COL5A1: variants seen among roughly 807,000 people sequenced by gnomAD.
COL5A1 encodes collagen type V alpha 1 chain.
A neutral mutation model predicts 263.7 loss-of-function variants in COL5A1; 16 were observed. The ratio of observed to expected loss-of-function variants is 0.06; its 90% CI spans 0.04 to 0.09. COL5A1 has a LOEUF of 0.09. Ranked by LOEUF, COL5A1 falls within the 10% of genes least tolerant of loss-of-function variation. COL5A1 has a pLI of 1.00. For synonymous variants in COL5A1, 1,012 were observed against 1,004.5 expected (o/e 1.01, Z -0.14); for missense variants, 2,036 against 2,540.5 (o/e 0.80, Z 4.27).
chr9:134,712,324 TGTCCCCCTCCCTC>T, intron 4 of COL5A1, among the ~76,000 whole-genome samples: 1 of 45,280 alleles, frequency 2.2e-5, no homozygotes, highest in Non-Finnish European at 4.1e-5. Context: ...CCCTCCTTCC[TGTCCCCCTCCCTC>T]CTGCCCCTCT....
intron 49 of COL5A1, 127 bp from the exon 50 acceptor site, chr9:134,814,670 C>T: frequency 3.9e-6 from 3 of 766,254 alleles, no homozygotes; most frequent in Non-Finnish European, 6.8e-6. Context: ...CAGCCAGCCC[C>T]CTGCAGGGCT....
chr9:134,785,002 C>T lies in COL5A1; in HGVS notation c.2498C>T (p.Pro833Leu), dbSNP rs1240965668. Residue 833 changes from proline (P) to leucine (L), a missense_variant, in exon 30 of 66, where the codon CCA becomes CTA. Pro to Leu is a moderately conservative substitution (Grantham distance 98). Transcript: ENST00000371817. ...GIKGDRGEIG[P>L]PGPRGEDGPE... ...TCTGGCTTGCAGGGGGAGATCGGCC[C>T]ACCCGGTCCCAGGGGAGAAGATGGC... The T allele has an allele frequency of 3.1e-6, 5 of 1,613,282 alleles. No individual in the cohort carries two copies. Among genetic ancestry groups the T allele is most frequent in the East Asian group, 2.2e-5 (1 of 44,866 alleles).
intron 11 of COL5A1, among the ~76,000 whole-genome samples, chr9:134,745,590 C>T (rs1588496016): frequency 6.6e-6 from 1 of 152,242 alleles, no homozygotes; most frequent in East Asian, 1.9e-4. Flanking sequence ...TTGATAGGGC[C>T]CCGCTTCCAG....
At position 134,750,435 on chromosome 9, in the gene COL5A1, C is replaced by T. The variant is rs910942155; in HGVS notation, c.1495-107C>T. 4.1e-6 allele frequency: 4 copies of T among 964,372 alleles called. No individual in the cohort carries two copies. The African/African-American group carries it at 4.8e-5, about 12-fold the overall frequency. 59.7% of individuals were successfully genotyped at this position (964,372 alleles called of 1,614,324 possible). A position where few individuals can be genotyped will look rare whatever the true frequency, so the allele number is the denominator to read the frequency against. On this transcript the variant is annotated intron_variant, in intron 11 of 65. Coordinates refer to ENST00000371817, the MANE Select transcript of COL5A1 (RefSeq NM_000093.5). ...GGGTCTCACAGCTTCTGTGCGTGTCCAGTGCATTTCCCGGGTGGGCCGCTT... is the reference window on the plus strand; with the variant it reads ...GGGTCTCACAGCTTCTGTGCGTGTCTAGTGCATTTCCCGGGTGGGCCGCTT...
intron 4 of COL5A1, among the ~76,000 whole-genome samples, chr9:134,711,198 C>T (rs1032841459): frequency 2.6e-5 from 4 of 152,052 alleles, no homozygotes; most frequent in African/African-American, 7.3e-5. Context: ...AGAGTCAGCT[C>T]GGAGGCCAGG....
rs976564432 is a variant in COL5A1, at chr9:134,818,230, A to G, written c.4230+399A>G. 9.5e-4 allele frequency among the ~76,000 whole-genome samples: 145 copies of G among 152,262 alleles called. 1 individual carries two copies. The highest frequency in any genetic ancestry group is 3.4e-3 in the African/African-American group (140 of 41,554). On this transcript the variant is annotated intron_variant, in intron 54 of 65. Coordinates refer to ENST00000371817, the MANE Select transcript of COL5A1 (RefSeq NM_000093.5). This position sits in a 1 kb window ranked among gnomAD's most constrained non-coding sequence, Gnocchi z 6.0. ...GTCTGCTGCGGGGCCCGTGCAGAAG[A>G]TGGGACGCCGTCACCCATGCAGTTG... is the stretch of plus-strand genomic sequence containing the variant.
At chr9:134,729,329 G>A (rs960764413) in intron 6 of COL5A1, among the ~76,000 whole-genome samples, 6 of 152,154 alleles carry the variant, frequency 3.9e-5, no homozygotes, top group Admixed American at 6.5e-5. Flanking sequence ...AGCAGGGCCC[G>A]GGCCCCGTGC....
intron 63 of COL5A1, among the ~76,000 whole-genome samples, chr9:134,827,940 G>A (rs967592768): frequency 1.3e-5 from 2 of 152,206 alleles, no homozygotes; most frequent in African/African-American, 4.8e-5. Flanking sequence ...AGAGGCAGAT[G>A]GGACACCCCT....
chr9:134,804,368 GA>G (rs1411446563), intron 39 of COL5A1, among the ~76,000 whole-genome samples: 2 of 151,812 alleles, frequency 1.3e-5, no homozygotes, highest in African/African-American at 4.8e-5. Flanking sequence ...GCTAAGGGGT[GA>G]CTTTTTTTCA....
rs377563294 is a variant in COL5A1 at position 134,842,200 on chromosome 9, C to T, written c.5414C>T (p.Pro1805Leu). 10 of 1,614,086 alleles carry T rather than the reference C, an allele frequency of 6.2e-6. No homozygotes were observed. Among genetic ancestry groups the T allele is most frequent in the Non-Finnish European group, 8.5e-6 (10 of 1,180,038 alleles). Residue 1805 changes from proline to leucine, a missense_variant, in exon 66 of 66, where the codon CCC becomes CTC. Physicochemically the swap from Pro to Leu is moderately conservative, Grantham distance 98. Transcript: ENST00000371817. This position sits in a 1 kb window ranked among gnomAD's most constrained non-coding sequence, Gnocchi z 5.8. Reference sequence around the variant, plus strand: ...AAGACGGTTCTGGAGATCGACACCCCCAAAGTGGAGCAGGTGCCCATCGTG... The same window carrying T: ...AAGACGGTTCTGGAGATCGACACCCTCAAAGTGGAGCAGGTGCCCATCGTG... ...YQKTVLEIDTPKVEQVPIVDI... is the reference protein window; with the variant it reads ...YQKTVLEIDTLKVEQVPIVDI...
chr9:134,734,833 T>A (rs540655330), intron 9 of COL5A1, among the ~76,000 whole-genome samples: 16 of 152,370 alleles, frequency 1.1e-4, no homozygotes, highest in African/African-American at 3.8e-4. Flanking sequence ...TTAAAATATG[T>A]GCTGTTTACC....
chr9:134,768,896 G>T (rs935318603), intron 25 of COL5A1, among the ~76,000 whole-genome samples: 8 of 152,154 alleles, frequency 5.3e-5, no homozygotes, highest in African/African-American at 1.9e-4. Context: ...GTGTGTGCGC[G>T]CACAGCTGTG....
chr9:134,796,238 C>G, intron 34 of COL5A1, 136 bp from the exon 35 acceptor site: 1 of 942,684 alleles, frequency 1.1e-6, no homozygotes, highest in South Asian at 1.3e-5. Flanking sequence ...CTGCCCCTTA[C>G]TGAGGGTCAG....
chr9:134,653,859 T>C (rs1831781021), intron 1 of COL5A1, among the ~76,000 whole-genome samples: 1 of 149,032 alleles, frequency 6.7e-6, no homozygotes, highest in East Asian at 2.0e-4. Flanking sequence ...TGGGAGTCTG[T>C]AGGGCCAGGC....
intron 9 of COL5A1, chr9:134,732,344 G>A: frequency 1.5e-6 from 1 of 645,794 alleles, no homozygotes; most frequent in Non-Finnish European, 2.8e-6. Flanking sequence ...TGTGATGGAG[G>A]GGGCGGGATA....
chr9:134,759,836 ACT>A (rs1408109587), intron 18 of COL5A1, among the ~76,000 whole-genome samples: 16 of 29,078 alleles, frequency 5.5e-4, no homozygotes, highest in East Asian at 1.9e-3. Flanking sequence ...ACACCCCCCC[ACT>A]CACGCACACC....
intron 1 of COL5A1, among the ~76,000 whole-genome samples, chr9:134,657,993 G>A (rs191211519): frequency 1.3e-5 from 2 of 152,082 alleles, no homozygotes; most frequent in African/African-American, 4.8e-5. Context: ...GGGATGGGCC[G>A]GGCACGGAGA....
At chr9:134,822,815 G>C in intron 59 of COL5A1, 183 bp from the exon 60 acceptor site, 3 of 730,964 alleles carry the variant, frequency 4.1e-6, no homozygotes, top group Non-Finnish European at 7.1e-6. Flanking sequence ...TCCACGAGGG[G>C]TGAGCACCAG....
In COL5A1 at chr9:134,817,051, C is replaced by G. The variant is rs778701638; in HGVS notation, c.4148C>G (p.Pro1383Arg). The G allele has an allele frequency of 6.2e-7, 1 of 1,613,868 alleles. No individual in the cohort carries two copies. Among genetic ancestry groups the G allele is most frequent in the South Asian group, 1.1e-5 (1 of 91,064 alleles). The change falls in exon 53 of 66, where the codon CCA becomes CGA. Residue 1383 changes from proline (P) to arginine (R), a missense_variant. By Grantham distance (103) the Pro-to-Arg change is moderately radical. Transcript: ENST00000371817. ...QTGSPGPTGE[P>R]GPSGPPGKRG... ...GGATCCCCCGGCCCTACTGGTGAAC[C>G]AGGTCCATCGGGGCCTCCAGGAAAA...
Sources: gnomAD v4.1 joint callset for allele counts (sites outside exome capture counted in the v4.1 genomes callset) on GRCh38, gnomAD v4.1.1 for gene constraint, Gnocchi (gnomAD v3.1) non-coding constraint, MANE v1.5 for transcripts, NCBI Gene and HGNC (gene_info 2026-07-23, HGNC 2026-07-21) for gene names.